The following TRAPPC9 variants were observed in gnomAD, a reference collection of about 807,000 sequenced individuals.
TRAPPC9 encodes the protein trafficking protein particle complex subunit 9.
In TRAPPC9, 83 loss-of-function variants were observed where a neutral mutation model predicts 124.0. The observed-to-expected ratio is 0.67, with a 90% CI of 0.56 to 0.80. TRAPPC9 has a LOEUF of 0.80. TRAPPC9 is among the 30% of genes least tolerant of loss of function. The probability of loss-of-function intolerance (pLI) is 0.00; values close to 1 mark genes in which losing one functional copy is unlikely to be tolerated. For missense variants in TRAPPC9, 1,302 were observed against 1,508.3 expected (o/e 0.86, Z 2.27); for synonymous variants, 638 against 617.5 (o/e 1.03, Z -0.49).
intron 7 of TRAPPC9, among the ~76,000 whole-genome samples, chr8:140,382,138 C>T (rs1456972467): frequency 6.6e-6 from 1 of 152,156 alleles, no homozygotes; most frequent in Non-Finnish European, 1.5e-5. Flanking sequence ...TACTAAGTGG[C>T]CATAAGAAGG....
At chr8:139,876,699 T>C (rs1829343123) in intron 21 of TRAPPC9, among the ~76,000 whole-genome samples, 1 of 152,092 alleles carries the variant, frequency 6.6e-6, no homozygotes, top group African/African-American at 2.4e-5. Context: ...TCAATCAACA[T>C]CCTCCATGCA....
chr8:139,985,042 C>CTAA lies in TRAPPC9; in HGVS notation c.2810+3683_2810+3684insTTA, dbSNP rs557045421. ...GCCTGAAGCCTGACACGGGGCTTACCACACAGCAAATTGCTGAAGTATCAA... is the reference window on the plus strand; with the variant it reads ...GCCTGAAGCCTGACACGGGGCTTACCTAAACACAGCAAATTGCTGAAGTATCAA... On this transcript the variant is annotated intron_variant, in intron 19 of 22. Coordinates refer to ENST00000438773, the MANE Select transcript of TRAPPC9 (RefSeq NM_001160372.4). 7.2e-5 allele frequency among the ~76,000 whole-genome samples: 11 copies of CTAA among 152,278 alleles called. No homozygotes were observed. The South Asian group carries it at 2.3e-3, about 32-fold the overall frequency.
At chr8:140,381,667 C>CAAAAAA (rs56659960) in intron 7 of TRAPPC9, among the ~76,000 whole-genome samples, 3 of 48,350 alleles carry the variant, frequency 6.2e-5, no homozygotes, top group African/African-American at 1.5e-4. Flanking sequence ...GACTCTGTCT[C>CAAAAAA]AAAAAAAAAA....
At chr8:140,345,257 G>A (rs1167519538) in intron 9 of TRAPPC9, among the ~76,000 whole-genome samples, 1 of 152,232 alleles carries the variant, frequency 6.6e-6, no homozygotes, top group Non-Finnish European at 1.5e-5. Flanking sequence ...AGATGGGGTG[G>A]AGGTGCTGAG....
intron 17 of TRAPPC9, among the ~76,000 whole-genome samples, chr8:140,028,621 C>T (rs1840303722): frequency 6.6e-6 from 1 of 152,236 alleles, no homozygotes; most frequent in African/African-American, 2.4e-5. Flanking sequence ...TTCATTCACC[C>T]ATGCAATCAT....
intron 17 of TRAPPC9, among the ~76,000 whole-genome samples, chr8:140,207,020 T>C (rs757311285): frequency 2.0e-5 from 3 of 152,134 alleles, no homozygotes; most frequent in Non-Finnish European, 4.4e-5. Context: ...ACAAGGACAG[T>C]GCCAACGACT....
At position 140,357,765 on chromosome 8, in the gene TRAPPC9, G is replaced by A. The variant is rs936675179; in HGVS notation, c.1495+2285C>T. Among the ~76,000 whole-genome samples, 7 of 152,210 alleles carry A rather than the reference G, an allele frequency of 4.6e-5. No homozygotes were observed. In the South Asian group the frequency reaches 6.2e-4, roughly 14 times the overall value. The stretch of plus-strand genomic sequence containing the variant: ...TGCTGCTCCCTCCCGTCACCGAAAC[G>A]CCGGAGTGCAAATGGGCCATGGAGC... On this transcript the variant is annotated intron_variant, in intron 9 of 22. Coordinates refer to ENST00000438773, the MANE Select transcript of TRAPPC9 (RefSeq NM_001160372.4).
At chr8:140,430,883 A>C (rs1347344267) in intron 4 of TRAPPC9, among the ~76,000 whole-genome samples, 1 of 152,002 alleles carries the variant, frequency 6.6e-6, no homozygotes, top group East Asian at 2.0e-4. Flanking sequence ...CAAGCGATCC[A>C]TGCACTGTGG....
intron 16 of TRAPPC9, among the ~76,000 whole-genome samples, chr8:140,239,131 G>C (rs1329796462): frequency 6.6e-6 from 1 of 152,190 alleles, no homozygotes; most frequent in Admixed American, 6.5e-5. Flanking sequence ...TCAAAGCAGA[G>C]GGAAGAACAA....
At position 140,092,076 on chromosome 8, in the gene TRAPPC9, CA is replaced by C. The variant is rs531147407; in HGVS notation, c.2557-67998del. 5.6e-3 allele frequency among the ~76,000 whole-genome samples: 441 copies of C among 78,128 alleles called. 1 individual carries two copies. Among genetic ancestry groups the C allele is most frequent in the Middle Eastern group, 8.6e-3 (1 of 116 alleles). The allele number at this position is 78,128 out of a possible 152,430, so 51.3% of individuals were successfully genotyped here. A position where few individuals can be genotyped will look rare whatever the true frequency, so the allele number is the denominator to read the frequency against. On this transcript the variant is annotated intron_variant, in intron 17 of 22. Transcript: ENST00000438773. ...CCACTTAGCCAATTTCCAAGCACTCCAAAAAAAAAAAAAAAACAAACCTTTT... is the reference window on the plus strand; with the variant it reads ...CCACTTAGCCAATTTCCAAGCACTCCAAAAAAAAAAAAAAACAAACCTTTT...
At chr8:140,251,093 A>G (rs999785592) in intron 16 of TRAPPC9, among the ~76,000 whole-genome samples, 3 of 152,184 alleles carry the variant, frequency 2.0e-5, no homozygotes, top group Non-Finnish European at 4.4e-5. Flanking sequence ...AGCCTTCCAC[A>G]TGGAAGCCTT....
intron 19 of TRAPPC9, among the ~76,000 whole-genome samples, chr8:139,972,846 C>A (rs1836189817): frequency 6.6e-6 from 1 of 152,228 alleles, no homozygotes; most frequent in Admixed American, 6.5e-5. Context: ...ATAGATGAGG[C>A]AGACGGGGAA....
rs770244296 is a variant in TRAPPC9, at chr8:140,287,641, C to T, written c.1948G>A (p.Val650Ile). The T allele has an allele frequency of 6.2e-6, 10 of 1,614,206 alleles. No individual in the cohort carries two copies. The Middle Eastern group carries it at 6.6e-4, about 107-fold the overall frequency. ...GTAATCGTTCCAGTCGTCTGCGGGA[C>T]CCCGACGAGCGTCACTGGGTACAGA... is the stretch of plus-strand genomic sequence containing the variant. ...SGLYPVTLVG[V>I]PQTTGTITVN... is the part of the protein sequence containing the mutation. The change falls in exon 13 of 23, where the codon GTC becomes ATC. Residue 650 changes from valine to isoleucine, a missense_variant. Val to Ile is a conservative substitution (Grantham distance 29, BLOSUM62 3). Around this residue, in one of 3 missense-constraint regions of TRAPPC9, gnomAD observed 640 missense variants for 679.3 expected, o/e 0.94. Coordinates refer to ENST00000438773, the MANE Select transcript of TRAPPC9 (RefSeq NM_001160372.4).
At chr8:140,023,537 G>A (rs1839940606) in intron 18 of TRAPPC9, among the ~76,000 whole-genome samples, 1 of 152,212 alleles carries the variant, frequency 6.6e-6, no homozygotes, top group Admixed American at 6.5e-5. Context: ...CAGGAATGAT[G>A]CAGAAGAGAT....
At chr8:140,134,897 A>G (rs1358742304) in intron 17 of TRAPPC9, among the ~76,000 whole-genome samples, 3 of 152,238 alleles carry the variant, frequency 2.0e-5, no homozygotes, top group Non-Finnish European at 2.9e-5. Flanking sequence ...ACAGAACGGG[A>G]GAAAATATTT....
chr8:139,905,983 A>T (rs4736115), intron 20 of TRAPPC9, among the ~76,000 whole-genome samples: 43,239 of 151,404 alleles, frequency 0.29, 6,330 homozygotes, highest in East Asian at 0.39. Flanking sequence ...AGTCCCAGCT[A>T]CTCGGGGGGC....
chr8:140,332,510 T>C (rs192284124), intron 9 of TRAPPC9, among the ~76,000 whole-genome samples: 368 of 152,290 alleles, frequency 2.4e-3, no homozygotes, highest in Admixed American at 4.3e-3. Flanking sequence ...TGTTTGAAGA[T>C]GGATTTGCAA....
rs1226146853 is a variant in TRAPPC9, at chr8:139,776,215, G to GCC, written c.3056-44015_3056-44014dup. On this transcript the variant is annotated intron_variant, in intron 21 of 22. Coordinates refer to ENST00000438773, the MANE Select transcript of TRAPPC9 (RefSeq NM_001160372.4). This position sits in a 1 kb window ranked among gnomAD's most constrained non-coding sequence, Gnocchi z 4.1. The stretch of plus-strand genomic sequence containing the variant: ...CGACAGGGTTCCTTCCATCCTGCAG[G>GCC]CCTCCTGCACAGGGACGCCAGGCTG... 6.6e-6 allele frequency among the ~76,000 whole-genome samples: 1 copy of GCC among 152,120 alleles called. No individual in the cohort carries two copies. Among genetic ancestry groups the GCC allele is most frequent in the Non-Finnish European group, 1.5e-5 (1 of 68,014 alleles).
chr8:140,127,708 T>C (rs2061124229), intron 17 of TRAPPC9, among the ~76,000 whole-genome samples: 1 of 152,264 alleles, frequency 6.6e-6, no homozygotes, highest in South Asian at 2.1e-4. Context: ...AGATACGTTC[T>C]TGATTGCAAA....
Sources: gnomAD v4.1 joint callset for allele counts (sites outside exome capture counted in the v4.1 genomes callset) on GRCh38, gnomAD v4.1.1 for gene constraint, gnomAD v4.1.1 regional missense constraint, Gnocchi (gnomAD v3.1) non-coding constraint, MANE v1.5 for transcripts, NCBI Gene and HGNC (gene_info 2026-07-23, HGNC 2026-07-21) for gene names.